BANK1: variants seen among roughly 807,000 people sequenced by gnomAD.
BANK1 encodes B-cell scaffold protein with ankyrin repeats.
Under a neutral mutation model 94.5 loss-of-function variants are expected in BANK1, and 95 were observed. The ratio of observed to expected loss-of-function variants is 1.00; its 90% CI spans 0.85 to 1.19. The LOEUF (loss-of-function observed/expected upper bound fraction) is 1.19. Among genes scored for constraint, BANK1 ranks in the 50% most tolerant of loss-of-function variants. The probability of loss-of-function intolerance (pLI) is 0.00; values close to 1 mark genes in which losing one functional copy is unlikely to be tolerated. For missense variants in BANK1, 987 were observed against 932.2 expected (o/e 1.06, Z -0.77); for synonymous variants, 334 against 308.4 (o/e 1.08, Z -0.87).
chr4:101,954,391 C>T (rs1195634972), intron 7 of BANK1, among the ~76,000 whole-genome samples: 1 of 152,072 alleles, frequency 6.6e-6, no homozygotes, highest in Non-Finnish European at 1.5e-5. Flanking sequence ...TTTTTATATT[C>T]TGGAATAGTT....
intron 1 of BANK1, among the ~76,000 whole-genome samples, chr4:101,806,065 A>G (rs548163975): frequency 5.7e-4 from 86 of 152,062 alleles, no homozygotes; most frequent in South Asian, 1.2e-3. Context: ...GTGTGCCTAG[A>G]ATATTAATAT....
At chr4:101,829,080 T>A (rs1726500030) in intron 1 of BANK1, among the ~76,000 whole-genome samples, 1 of 152,028 alleles carries the variant, frequency 6.6e-6, no homozygotes, top group African/African-American at 2.4e-5. Context: ...GCTAGAATGG[T>A]CTCGATCTCC....
chr4:102,000,047 C>T (rs1170015832), intron 7 of BANK1, among the ~76,000 whole-genome samples: 1 of 152,082 alleles, frequency 6.6e-6, no homozygotes, highest in East Asian at 1.9e-4. Context: ...TACCCGGGTG[C>T]AGTGGCTCAT....
Position 102,043,915 on chromosome 4 carries a change from C to A in BANK1, c.1969+8C>A. ...GTCTTCCTAAGAAACAAGGTACTAA[C>A]ACTAACTTCAATCTATTTAGTAATC... On this transcript the variant is annotated splice_region_variant and intron_variant, in intron 11 of 16. Transcript: ENST00000322953. 2 of 1,522,364 alleles carry A rather than the reference C, an allele frequency of 1.3e-6. No homozygotes were observed. Among genetic ancestry groups the A allele is most frequent in the Non-Finnish European group, 1.8e-6 (2 of 1,101,062 alleles). The allele number at this position is 1,522,364 out of a possible 1,614,324, so 94.3% of individuals were successfully genotyped here.
At chr4:101,924,796 C>T (rs929588110) in intron 7 of BANK1, among the ~76,000 whole-genome samples, 3 of 151,632 alleles carry the variant, frequency 2.0e-5, no homozygotes, top group African/African-American at 7.3e-5. Flanking sequence ...TCCAATTTCT[C>T]GAATAAGCAT....
At position 102,028,936 on chromosome 4, in the gene BANK1, G is replaced by A. The variant is rs1428480276; in HGVS notation, c.1595-1024G>A. Among the ~76,000 whole-genome samples the A allele has an allele frequency of 3.3e-5, 5 of 151,502 alleles. No homozygotes were observed. In the East Asian group the frequency reaches 5.8e-4, roughly 18 times the overall value. On this transcript the variant is annotated intron_variant, in intron 9 of 16. Coordinates refer to ENST00000322953, the MANE Select transcript of BANK1 (RefSeq NM_017935.5). ...TTTTTTGTTTGTTTTTATTTTTGAG[G>A]CACGATCTTGCTCTGTTGCCCAGTC... is the stretch of plus-strand genomic sequence containing the variant.
intron 7 of BANK1, among the ~76,000 whole-genome samples, chr4:101,980,852 T>C (rs1725304082): frequency 6.6e-6 from 1 of 152,052 alleles, no homozygotes; most frequent in Admixed American, 6.6e-5. Context: ...GTTGCTATCA[T>C]GAATTGGTCT....
intron 2 of BANK1, among the ~76,000 whole-genome samples, chr4:101,847,382 T>C (rs1017653603): frequency 1.3e-5 from 2 of 152,116 alleles, no homozygotes; most frequent in Non-Finnish European, 1.5e-5. Context: ...TTTTTTTTAC[T>C]ATTATTATTT....
At chr4:102,034,779 C>T (rs1185025352) in intron 10 of BANK1, among the ~76,000 whole-genome samples, 4 of 152,186 alleles carry the variant, frequency 2.6e-5, no homozygotes, top group East Asian at 1.9e-4. Context: ...TAAGTGCCAA[C>T]GTCTTTCCCA....
intron 7 of BANK1, among the ~76,000 whole-genome samples, chr4:101,968,276 T>C (rs1331652783): frequency 6.6e-6 from 1 of 152,044 alleles, no homozygotes; most frequent in African/African-American, 2.4e-5. Flanking sequence ...AAAATAAATA[T>C]ATAAGGAAGC....
intron 7 of BANK1, among the ~76,000 whole-genome samples, chr4:101,983,296 A>C (rs1237688585): frequency 1.3e-5 from 2 of 152,094 alleles, no homozygotes; most frequent in Non-Finnish European, 2.9e-5. Context: ...ATGTATGGAA[A>C]TCTTTTAGAA....
At chr4:101,929,458 C>A (rs1291554743) in intron 7 of BANK1, among the ~76,000 whole-genome samples, 1 of 151,530 alleles carries the variant, frequency 6.6e-6, no homozygotes, top group Non-Finnish European at 1.5e-5. Flanking sequence ...TATTTTAATA[C>A]TTAAGTCATT....
intron 7 of BANK1, among the ~76,000 whole-genome samples, chr4:101,989,737 C>T (rs1725638698): frequency 6.6e-6 from 1 of 151,954 alleles, no homozygotes; most frequent in South Asian, 2.1e-4. Flanking sequence ...ACATTTTCCT[C>T]ATGATTAAAT....
intron 9 of BANK1, among the ~76,000 whole-genome samples, chr4:102,027,162 G>A (rs1727133084): frequency 6.6e-6 from 1 of 152,114 alleles, no homozygotes; most frequent in African/African-American, 2.4e-5. Context: ...TTTCAGATCT[G>A]AATAATTTGT....
rs558596426 is a variant in BANK1 at position 102,032,988 on chromosome 4, C to T, written c.1900+2723C>T. The stretch of plus-strand genomic sequence containing the variant: ...TGTAGGGTAATTAGGAAGTAGGTAA[C>T]CAGCTTTTTCATTGGATGGCCCCAA... On this transcript the variant is annotated intron_variant, in intron 10 of 16. Coordinates refer to ENST00000322953, the MANE Select transcript of BANK1 (RefSeq NM_017935.5). Among the ~76,000 whole-genome samples, 13 of 152,166 alleles carry T rather than the reference C, an allele frequency of 8.5e-5. No homozygotes were observed. In the South Asian group the frequency reaches 1.7e-3, roughly 19 times the overall value.
intron 2 of BANK1, among the ~76,000 whole-genome samples, chr4:101,854,349 C>T (rs1404343946): frequency 1.3e-5 from 2 of 152,142 alleles, no homozygotes; most frequent in African/African-American, 4.8e-5. Flanking sequence ...ATGATTAAGA[C>T]TAAATGCTAA....
intron 2 of BANK1, among the ~76,000 whole-genome samples, chr4:101,838,210 C>T (rs573500415): frequency 3.3e-5 from 5 of 152,260 alleles, no homozygotes; most frequent in Middle Eastern, 3.4e-3. Flanking sequence ...CCACCCACCT[C>T]GGCCTTCCAA....
intron 7 of BANK1, among the ~76,000 whole-genome samples, chr4:102,001,186 G>A (rs1158326845): frequency 2.0e-5 from 3 of 152,194 alleles, no homozygotes; most frequent in Non-Finnish European, 4.4e-5. Flanking sequence ...AAGGCTGTAC[G>A]TTCATTTCCC....
intron 9 of BANK1, among the ~76,000 whole-genome samples, chr4:102,027,600 A>G (rs1031354156): frequency 6.6e-6 from 1 of 151,110 alleles, no homozygotes; most frequent in Non-Finnish European, 1.5e-5. Context: ...TATGTCTTTG[A>G]CTTTGGCTAG....
Sources: gnomAD v4.1 joint callset for allele counts (sites outside exome capture counted in the v4.1 genomes callset) on GRCh38, gnomAD v4.1.1 for gene constraint, MANE v1.5 for transcripts, NCBI Gene and HGNC (gene_info 2026-07-23, HGNC 2026-07-21) for gene names.